The following MRPS31 variants were observed in gnomAD, a reference collection of about 807,000 sequenced individuals.
The protein encoded by MRPS31 is small ribosomal subunit protein mS31.
MRPS31 carries 32 observed loss-of-function variants against 43.1 expected under a neutral mutation model. The ratio of observed to expected loss-of-function variants is 0.74; its 90% CI spans 0.56 to 1.00. The LOEUF (loss-of-function observed/expected upper bound fraction) is 1.00. MRPS31 is among the 50% of genes least tolerant of loss of function. The pLI is 0.00. For missense variants in MRPS31, 437 were observed against 466.7 expected (o/e 0.94, Z 0.59); for synonymous variants, 165 against 161.6 (o/e 1.02, Z -0.16).
rs1271842004 is a variant in MRPS31 at position 40,729,527 on chromosome 13, C to T, written c.1033G>A (p.Gly345Arg). Residue 345 changes from glycine to arginine, a missense_variant, in exon 7 of 7, where the codon GGA becomes AGA. Transcript: ENST00000323563. ...EKHLESFPKQ[G>R]PIRHFMELVT... ...AGCTCCATGAAGTGGCGAATTGGTCCTTGTTTTGGAAAGCTCTCCAGGTGT... is the reference window on the plus strand; with the variant it reads ...AGCTCCATGAAGTGGCGAATTGGTCTTTGTTTTGGAAAGCTCTCCAGGTGT... 6.2e-7 allele frequency: 1 copy of T among 1,614,014 alleles called. No homozygotes were observed. Among genetic ancestry groups the T allele is most frequent in the Admixed American group, 1.7e-5 (1 of 59,998 alleles).
In MRPS31 at chr13:40,768,358, C is replaced by A. The variant is rs116770271; in HGVS notation, c.153-1325G>T. 3.2e-3 allele frequency among the ~76,000 whole-genome samples: 453 copies of A among 139,462 alleles called. 1 individual carries two copies. Among genetic ancestry groups the A allele is most frequent in the African/African-American group, 0.013 (441 of 34,980 alleles). The allele number at this position is 139,462 out of a possible 152,430, so 91.5% of individuals were successfully genotyped here. On this transcript the variant is annotated intron_variant, in intron 1 of 6. Transcript: ENST00000323563. ...GCTTCTCAAACTTTAAGCTTAGCCCCCACCCCCCAACTAGGAGGGCACTGA... is the reference window on the plus strand; with the variant it reads ...GCTTCTCAAACTTTAAGCTTAGCCCACACCCCCCAACTAGGAGGGCACTGA...
In MRPS31 at chr13:40,771,021, C is replaced by T. The variant is rs1360825653; in HGVS notation, c.116G>A (p.Gly39Glu). 21 of 1,614,032 alleles carry T rather than the reference C, an allele frequency of 1.3e-5. No homozygotes were observed. The highest frequency in any genetic ancestry group is 1.7e-5 in the Non-Finnish European group (20 of 1,180,036). Residue 39 changes from glycine (G) to glutamate (E), a missense_variant, in exon 1 of 7, where the codon GGA (glycine) becomes GAA (glutamate). Gly to Glu is a moderately conservative substitution (Grantham distance 98). Transcript: ENST00000323563. ...AAIMLLTVRHGTVRYRSSALL... is the reference protein window; with the variant it reads ...AAIMLLTVRHETVRYRSSALL... ...CGCTGAACTGCGGTACCTGACTGTT[C>T]CGTGCCGAACAGTGAGTAGCATAAT...
At chr13:40,742,974 C>T (rs2138000623) in intron 6 of MRPS31, among the ~76,000 whole-genome samples, 1 of 152,094 alleles carries the variant, frequency 6.6e-6, no homozygotes, top group East Asian at 1.9e-4. Flanking sequence ...TAGGAAATAC[C>T]ATCCTAGACA....
chr13:40,763,880 T>C (rs1301837401), intron 2 of MRPS31, among the ~76,000 whole-genome samples: 3 of 152,132 alleles, frequency 2.0e-5, no homozygotes, highest in Admixed American at 1.3e-4. Context: ...CCAGGCCACA[T>C]GGAAAGGCCA....
chr13:40,737,530 G>A (rs1289357926), intron 6 of MRPS31, among the ~76,000 whole-genome samples: 1 of 151,994 alleles, frequency 6.6e-6, no homozygotes, highest in Non-Finnish European at 1.5e-5. Flanking sequence ...CACATACTTG[G>A]AAGTAAAGCT....
At chr13:40,766,709 G>A (rs1448327474) in intron 2 of MRPS31, 37 bp downstream of exon 2, 1 of 1,538,746 alleles carries the variant, frequency 6.5e-7, no homozygotes, top group Admixed American at 2.2e-5. Flanking sequence ...AAGCTTACTG[G>A]AGTTTCAAAC....
At chr13:40,757,143 T>C (rs539953482) in intron 3 of MRPS31, 130 bp from the exon 4 acceptor site, 3 of 645,396 alleles carry the variant, frequency 4.6e-6, no homozygotes, top group East Asian at 6.2e-5. Flanking sequence ...CAGCATAAAA[T>C]GTTTAAATAA....
chr13:40,763,466 C>G (rs544675840), intron 2 of MRPS31, among the ~76,000 whole-genome samples: 1 of 152,256 alleles, frequency 6.6e-6, no homozygotes, highest in East Asian at 1.9e-4. Context: ...CATTTAAGTC[C>G]TAAATATGGT....
intron 2 of MRPS31, among the ~76,000 whole-genome samples, chr13:40,762,802 G>A (rs1157382867): frequency 7.4e-6 from 1 of 135,522 alleles, no homozygotes; most frequent in Non-Finnish European, 1.5e-5. Flanking sequence ...GTGTGTGTGT[G>A]TGTGTGTGTG....
At chr13:40,769,678 T>C (rs1880953936) in intron 1 of MRPS31, among the ~76,000 whole-genome samples, 1 of 152,094 alleles carries the variant, frequency 6.6e-6, no homozygotes, top group African/African-American at 2.4e-5. Flanking sequence ...TTATTTTACA[T>C]TTAAAGTTAC....
intron 6 of MRPS31, among the ~76,000 whole-genome samples, chr13:40,730,604 A>C (rs1223394245): frequency 1.3e-5 from 2 of 152,184 alleles, no homozygotes; most frequent in African/African-American, 4.8e-5. Flanking sequence ...CTTGTCGCCC[A>C]GGCTGGAGTG....
intron 6 of MRPS31, among the ~76,000 whole-genome samples, chr13:40,746,344 T>C (rs939983559): frequency 1.3e-5 from 2 of 152,214 alleles, no homozygotes; most frequent in Non-Finnish European, 2.9e-5. Flanking sequence ...AGTTTCTAAA[T>C]GTGTACCCAG....
intron 4 of MRPS31, among the ~76,000 whole-genome samples, chr13:40,756,596 G>A (rs1433405469): frequency 1.3e-5 from 2 of 152,074 alleles, no homozygotes; most frequent in African/African-American, 2.4e-5. Context: ...AGTCAGCTCC[G>A]CTTACTCTAA....
rs1416558959 is a variant in MRPS31, at chr13:40,729,391, C to T, written c.1169G>A (p.Ser390Asn). 1 of 1,513,318 alleles carries T rather than the reference C, an allele frequency of 6.6e-7. No homozygotes were observed. Among genetic ancestry groups the T allele is most frequent in the Non-Finnish European group, 9.1e-7 (1 of 1,103,106 alleles). The allele number at this position is 1,513,318 out of a possible 1,614,324, so 93.7% of individuals were successfully genotyped here. Reference sequence around the variant, plus strand: ...ATGGTCTTAATTGAACTGTATGTTACTTTCTTTTAGAATATCCTTTTTTTC... The same window carrying T: ...ATGGTCTTAATTGAACTGTATGTTATTTTCTTTTAGAATATCCTTTTTTTC... ...FNEKKDILKE[S>N]NIQFN The change falls in exon 7 of 7, where the codon AGT becomes AAT. Residue 390 changes from serine to asparagine, a missense_variant. Coordinates refer to ENST00000323563, the MANE Select transcript of MRPS31 (RefSeq NM_005830.4).
intron 6 of MRPS31, among the ~76,000 whole-genome samples, chr13:40,738,236 A>C (rs1263908380): frequency 1.3e-5 from 2 of 151,368 alleles, no homozygotes; most frequent in Admixed American, 6.6e-5. Flanking sequence ...AGACTAAACC[A>C]GGAAGAAGTT....
chr13:40,730,799 A>G (rs1024983029), intron 6 of MRPS31, among the ~76,000 whole-genome samples: 4 of 151,900 alleles, frequency 2.6e-5, no homozygotes, highest in African/African-American at 7.2e-5. Context: ...ACCTCAGGTG[A>G]TCCACCTGCC....
chr13:40,733,761 A>C (rs1879782077), intron 6 of MRPS31, among the ~76,000 whole-genome samples: 1 of 152,160 alleles, frequency 6.6e-6, no homozygotes, highest in Admixed American at 6.6e-5. Flanking sequence ...TATTAAGTGC[A>C]GGAGTTCACG....
intron 6 of MRPS31, among the ~76,000 whole-genome samples, chr13:40,744,544 A>G (rs1880187854): frequency 6.6e-6 from 1 of 152,144 alleles, no homozygotes; most frequent in Non-Finnish European, 1.5e-5. Context: ...CTGAACAGAT[A>G]TTTTGCCATT....
At chr13:40,762,581 A>C (rs1880728083) in intron 2 of MRPS31, among the ~76,000 whole-genome samples, 1 of 151,380 alleles carries the variant, frequency 6.6e-6, no homozygotes, top group Non-Finnish European at 1.5e-5. Context: ...CTACAGGTGC[A>C]TGCCATCACA....
Sources: allele counts gnomAD v4.1 joint callset (sites outside exome capture counted in the v4.1 genomes callset), GRCh38; gene constraint gnomAD v4.1.1; transcripts MANE v1.5; gene names NCBI Gene and HGNC (gene_info 2026-07-23, HGNC 2026-07-21).